The following MCF2L2 variants were observed in gnomAD, a reference collection of about 807,000 sequenced individuals.
MCF2L2 encodes the protein MCF.2 cell line derived transforming sequence-like 2, also known as probable guanine nucleotide exchange factor MCF2L2.
A neutral mutation model predicts 150.2 loss-of-function variants in MCF2L2; 102 were observed. The observed-to-expected ratio is 0.68, with a 90% CI of 0.58 to 0.80. The LOEUF (loss-of-function observed/expected upper bound fraction) is 0.80. Ranked by LOEUF, MCF2L2 falls within the 30% of genes least tolerant of loss-of-function variation. MCF2L2 has a pLI of 0.00. For missense variants in MCF2L2, 1,256 were observed against 1,372.8 expected (o/e 0.91, Z 1.34); for synonymous variants, 465 against 491.3 (o/e 0.95, Z 0.71).
intron 15 of MCF2L2, among the ~76,000 whole-genome samples, chr3:183,239,727 G>A (rs1466575263): frequency 6.6e-6 from 1 of 152,170 alleles, no homozygotes; most frequent in Non-Finnish European, 1.5e-5. Flanking sequence ...ATGCATGTCA[G>A]AAAGCATTAC....
intron 22 of MCF2L2, among the ~76,000 whole-genome samples, chr3:183,209,130 G>T (rs1246593596): frequency 1.3e-5 from 2 of 152,178 alleles, no homozygotes; most frequent in East Asian, 1.9e-4. Context: ...GGACCCTGGA[G>T]AATTTTTTCA....
At position 183,339,015 on chromosome 3, in the gene MCF2L2, A is replaced by G. The variant is rs113473327; in HGVS notation, c.367-96T>C. The G allele has an allele frequency of 1.5e-5, 19 of 1,277,962 alleles. No individual in the cohort carries two copies. In the African/African-American group the frequency reaches 2.1e-4, roughly 14 times the overall value. 79.2% of individuals were successfully genotyped at this position (1,277,962 alleles called of 1,614,324 possible). ...TCTCCCCTTGCCCAAGATTAAGATC[A>G]CAGAAGGAAAAGTTAAAACGGATGC... is the stretch of plus-strand genomic sequence containing the variant. On this transcript the variant is annotated intron_variant, in intron 4 of 29. Coordinates refer to ENST00000328913, the MANE Select transcript of MCF2L2 (RefSeq NM_015078.4).
At chr3:183,397,404 G>T (rs1489014149) in intron 1 of MCF2L2, among the ~76,000 whole-genome samples, 1 of 152,176 alleles carries the variant, frequency 6.6e-6, no homozygotes, top group Non-Finnish European at 1.5e-5. Context: ...ATGGAAGAGG[G>T]AGGCAGCTGT....
chr3:183,286,112 C>G (rs1356858056), intron 14 of MCF2L2, among the ~76,000 whole-genome samples: 2 of 152,296 alleles, frequency 1.3e-5, no homozygotes, highest in South Asian at 4.1e-4. Flanking sequence ...GCTTCTCAAG[C>G]TCCCCAGAAC....
intron 13 of MCF2L2, among the ~76,000 whole-genome samples, chr3:183,290,599 T>C (rs1238410834): frequency 6.6e-6 from 1 of 151,980 alleles, no homozygotes; most frequent in Admixed American, 6.6e-5. Flanking sequence ...AGTGGTGTGA[T>C]CTCAGCTCAC....
At chr3:183,395,361 C>A (rs1429349483) in intron 1 of MCF2L2, among the ~76,000 whole-genome samples, 1 of 152,036 alleles carries the variant, frequency 6.6e-6, no homozygotes, top group Non-Finnish European at 1.5e-5. Flanking sequence ...AAAGAAAAAA[C>A]CAAGCGTGTG....
chr3:183,405,251 TTC>T (rs1229532117), intron 1 of MCF2L2, among the ~76,000 whole-genome samples: 8 of 152,230 alleles, frequency 5.3e-5, no homozygotes, highest in Non-Finnish European at 1.2e-4. Flanking sequence ...ATTATAGACT[TTC>T]TTTCTTGTAC....
chr3:183,352,981 T>C (rs1711562628), intron 3 of MCF2L2, among the ~76,000 whole-genome samples: 1 of 152,232 alleles, frequency 6.6e-6, no homozygotes, highest in South Asian at 2.1e-4. Flanking sequence ...TTCGATATGT[T>C]ATCCGCTTCG....
Position 183,330,273 on chromosome 3 carries a change from AAAAAGGAAAGGAAAAGG to A in MCF2L2, c.487-6939_487-6923del, listed in dbSNP as rs1198110281. On this transcript the variant is annotated intron_variant, in intron 5 of 29. Coordinates refer to ENST00000328913, the MANE Select transcript of MCF2L2 (RefSeq NM_015078.4). ...AAAAAAAAAAAAAAAAGAAGAAGAAAAAAAGGAAAGGAAAAGGAAAAGGAAAGGAAAGGAAAAACTTT... is the reference window on the plus strand; with the variant it reads ...AAAAAAAAAAAAAAAAGAAGAAGAAAAAAAGGAAAGGAAAGGAAAAACTTT... Among the ~76,000 whole-genome samples, 36 of 150,736 alleles carry A rather than the reference AAAAAGGAAAGGAAAAGG, an allele frequency of 2.4e-4. No homozygotes were observed. The East Asian group carries it at 5.8e-3, about 24-fold the overall frequency.
At chr3:183,242,176 A>G (rs550846231) in intron 15 of MCF2L2, among the ~76,000 whole-genome samples, 2 of 152,350 alleles carry the variant, frequency 1.3e-5, no homozygotes, top group East Asian at 1.9e-4. Flanking sequence ...TCAAAAGGGA[A>G]GAAGAGCATA....
chr3:183,315,075 T>C (rs980925961), intron 7 of MCF2L2, among the ~76,000 whole-genome samples: 2 of 148,834 alleles, frequency 1.3e-5, no homozygotes, highest in Non-Finnish European at 3.0e-5. Flanking sequence ...TACCTGGGAT[T>C]ACAGGTGCCA....
At chr3:183,414,376 G>A (rs1314823675) in intron 1 of MCF2L2, among the ~76,000 whole-genome samples, 14 of 152,050 alleles carry the variant, frequency 9.2e-5, no homozygotes, top group South Asian at 2.1e-4. Context: ...ATAGTTATTC[G>A]TATTATTCCT....
chr3:183,336,767 T>C (rs1370736635), intron 5 of MCF2L2, among the ~76,000 whole-genome samples: 2 of 151,704 alleles, frequency 1.3e-5, no homozygotes, highest in South Asian at 2.1e-4. Flanking sequence ...GGCAGGAGAA[T>C]TGCTTGAACC....
At position 183,309,813 on chromosome 3, in the gene MCF2L2, A is replaced by G; in HGVS notation, c.1016T>C (p.Leu339Ser). ...FCKAKLALDN[L>S]LEEQAEFTGI... ...TGTAAACTCTGCTTGCTCTTCCAGC[A>G]AATTATCCAGGGCAAGCTTAGCCTA... The change falls in exon 10 of 30, where the codon TTG becomes TCG. Residue 339 changes from leucine (L) to serine (S), a missense_variant. Transcript: ENST00000328913. The G allele has an allele frequency of 6.2e-7, 1 of 1,613,946 alleles. No homozygotes were observed. The highest frequency in any genetic ancestry group is 1.7e-5 in the Admixed American group (1 of 60,014).
At chr3:183,292,379 A>T (rs1346605022) in intron 13 of MCF2L2, among the ~76,000 whole-genome samples, 1 of 152,088 alleles carries the variant, frequency 6.6e-6, no homozygotes, top group East Asian at 1.9e-4. Context: ...ATATAGCAAG[A>T]CCCCGTTCTC....
At chr3:183,187,517 G>A (rs2108631336) in intron 27 of MCF2L2, among the ~76,000 whole-genome samples, 1 of 152,122 alleles carries the variant, frequency 6.6e-6, no homozygotes, top group East Asian at 1.9e-4. Flanking sequence ...TTTCCAGGCT[G>A]GAGTGCAGTG....
At chr3:183,191,413 T>A (rs11707756) in intron 27 of MCF2L2, among the ~76,000 whole-genome samples, 18,648 of 152,206 alleles carry the variant, frequency 0.12, 1,230 homozygotes, top group Admixed American at 0.18. Context: ...ATCTAGACAC[T>A]TTTATAATGA....
intron 11 of MCF2L2, chr3:183,298,252 C>T (rs1358125555): frequency 6.6e-6 from 1 of 152,096 alleles, no homozygotes; most frequent in East Asian, 1.9e-4. Context: ...GACAGGGAGC[C>T]CTTATGCTAC....
chr3:183,326,134 G>A (rs1730014186), intron 5 of MCF2L2, among the ~76,000 whole-genome samples: 1 of 141,272 alleles, frequency 7.1e-6, no homozygotes, highest in Non-Finnish European at 1.5e-5. Flanking sequence ...TAGATCAATG[G>A]GAAAAAAAAA....
Sources: gnomAD v4.1 joint callset for allele counts (sites outside exome capture counted in the v4.1 genomes callset) on GRCh38, gnomAD v4.1.1 for gene constraint, MANE v1.5 for transcripts, NCBI Gene and HGNC (gene_info 2026-07-23, HGNC 2026-07-21) for gene names.